The following GPRASP2 variants were observed in gnomAD, a reference collection of about 807,000 sequenced individuals.
GPRASP2 encodes the protein G protein-coupled receptor associated sorting protein 2, also known as G protein-coupled receptor-associated sorting protein 2.
Under a neutral mutation model 36.0 loss-of-function variants are expected in GPRASP2, and 10 were observed. The ratio of observed to expected loss-of-function variants is 0.28; its 90% CI spans 0.17 to 0.47. The LOEUF is 0.47. Among genes scored for constraint, GPRASP2 ranks in the 20% least tolerant of loss-of-function variants. GPRASP2 has a pLI of 0.99. For missense variants in GPRASP2, 538 were observed against 626.7 expected (o/e 0.86, Z 1.51); for synonymous variants, 219 against 230.5 (o/e 0.95, Z 0.45).
At position 102,712,568 on chromosome X, in the gene GPRASP2, T is replaced by G. The variant is rs1230389757; in HGVS notation, c.-568+16T>G. On this transcript the variant is annotated intron_variant, in intron 1 of 4. Transcript: ENST00000483720. ...GCCTCTGAAGGCAAGTGCGGGTGCA[T>G]GAGGTGGGGGTCCGGGTTGCGGGGG... The G allele has an allele frequency of 2.7e-5, 3 of 110,509 alleles. No homozygotes were observed. Among genetic ancestry groups the G allele is most frequent in the Non-Finnish European group, 5.7e-5 (3 of 52,715 alleles). 9.1% of individuals were successfully genotyped at this position (110,509 alleles called of 1,213,427 possible).
At position 102,716,376 on chromosome X, in the gene GPRASP2, T is replaced by C. The variant is rs1379748185; in HGVS notation, c.1507T>C (p.Phe503Leu). ...EVTVEFKPGL[F>L]HGVGFRSTSP... is the part of the protein sequence containing the mutation. ...CACTGTTGAATTCAAACCTGGTCTT[T>C]TTCATGGGGTTGGCTTCCGATCCAC... The change falls in exon 5 of 5, where the codon TTT becomes CTT. Residue 503 changes from phenylalanine to leucine, a missense_variant. By Grantham distance (22) the Phe-to-Leu change is conservative. Coordinates refer to ENST00000483720, the MANE Select transcript of GPRASP2 (RefSeq NM_001004051.4). 1 of 1,210,220 alleles carries C rather than the reference T, an allele frequency of 8.3e-7. No individual in the cohort carries two copies. The highest frequency in any genetic ancestry group is 1.7e-5 in the African/African-American group (1 of 57,213).
At position 102,715,165 on chromosome X, in the gene GPRASP2, A is replaced by G. The variant is rs752805007; in HGVS notation, c.296A>G (p.Lys99Arg). The change falls in exon 5 of 5, where the codon AAA becomes AGA. Residue 99 changes from lysine to arginine, a missense_variant. Lys to Arg is a conservative substitution (Grantham distance 26). Coordinates refer to ENST00000483720, the MANE Select transcript of GPRASP2 (RefSeq NM_001004051.4). ...CAAGGAATCACAGGGGCCAGGCCCAAAACCGATGCCAGGGCAGTAGGTGGC... is the reference window on the plus strand; with the variant it reads ...CAAGGAATCACAGGGGCCAGGCCCAGAACCGATGCCAGGGCAGTAGGTGGC... ...EAQGITGARP[K>R]TDARAVGGAR... is the part of the protein sequence containing the mutation. 7.4e-6 allele frequency: 9 copies of G among 1,211,702 alleles called. No homozygotes were observed. In the Admixed American group the frequency reaches 2.0e-4, roughly 26 times the overall value.
In GPRASP2 at chrX:102,717,351, A is replaced by G. The variant is rs2081979834; in HGVS notation, c.2482A>G (p.Asn828Asp). 9.2e-7 allele frequency: 1 copy of G among 1,081,876 alleles called. No homozygotes were observed. The highest frequency in any genetic ancestry group is 3.4e-5 in the Admixed American group (1 of 29,417). The allele number at this position is 1,081,876 out of a possible 1,213,427, so 89.2% of individuals were successfully genotyped here. A position where few individuals can be genotyped will look rare whatever the true frequency, so the allele number is the denominator to read the frequency against. Residue 828 changes from asparagine to aspartate, a missense_variant, in exon 5 of 5, where the codon AAC (asparagine) becomes GAC (aspartate). This residue lies in a region of GPRASP2 where 262 missense variants were observed against 351.7 expected (regional missense o/e 0.74). Coordinates refer to ENST00000483720, the MANE Select transcript of GPRASP2 (RefSeq NM_001004051.4). Reference protein sequence around the residue: ...LAKQLQAQIDNQNDPEVGQQS With the variant: ...LAKQLQAQIDDQNDPEVGQQS ...TAAGCAACTACAAGCCCAAATAGAC[A>G]ACCAAAATGATCCTGAGGTGGGACA...
In GPRASP2 at chrX:102,715,764, A is replaced by G. The variant is rs749871023; in HGVS notation, c.895A>G (p.Asn299Asp). 8.3e-7 allele frequency: 1 copy of G among 1,209,967 alleles called. No homozygotes were observed. The highest frequency in any genetic ancestry group is 1.7e-5 in the African/African-American group (1 of 57,156). ...SNPFSFWVGE[N>D]TNNLFRPRVR... ...CCCATTCTCCTTCTGGGTTGGAGAA[A>G]ATACCAATAACTTGTTCAGGCCCAG... The change falls in exon 5 of 5, where the codon AAT becomes GAT. Residue 299 changes from asparagine (N) to aspartate (D), a missense_variant. Physicochemically the swap from Asn to Asp is conservative, Grantham distance 23. This residue lies in a region of GPRASP2 where 276 missense variants were observed against 275.0 expected (regional missense o/e 1.00). Transcript: ENST00000483720.
intron 1 of GPRASP2, 129 bp downstream of exon 1, chrX:102,712,681 C>T (rs888581482): frequency 8.9e-6 from 1 of 112,565 alleles, no homozygotes; most frequent in Non-Finnish European, 1.9e-5. Flanking sequence ...GAGCCAGGCG[C>T]TTGAGAGAGG....
chrX:102,716,894 T>C lies in GPRASP2; in HGVS notation c.2025T>C (p.Ile675=). 8.3e-7 allele frequency: 1 copy of C among 1,210,279 alleles called. No individual in the cohort carries two copies. Among genetic ancestry groups the C allele is most frequent in the Non-Finnish European group, 1.1e-6 (1 of 894,896 alleles). ...MAPPYPNLNM[I]ETFICQVCEE... is the part of the protein sequence containing the mutation. ...CACCTTATCCAAATCTAAACATGAT[T>C]GAGACATTCATATGTCAAGTGTGTG... The change falls in exon 5 of 5, where the codon ATT becomes ATC. Residue 675 remains isoleucine, a synonymous_variant. Transcript: ENST00000483720.
intron 1 of GPRASP2, among the ~76,000 whole-genome samples, 157 bp downstream of exon 1, chrX:102,712,709 C>T (rs1183895631): frequency 2.7e-5 from 3 of 112,664 alleles, no homozygotes; most frequent in African/African-American, 9.7e-5. Flanking sequence ...TGCCCGAGAC[C>T]CCTGGCGATG....
intron 3 of GPRASP2, among the ~76,000 whole-genome samples, 164 bp downstream of exon 3, chrX:102,714,013 G>A (rs906432350): frequency 9.0e-6 from 1 of 111,485 alleles, no homozygotes; most frequent in African/African-American, 3.3e-5. Context: ...CACGAGATAG[G>A]TGTAGGTTGG....
intron 1 of GPRASP2, 128 bp from the exon 2 acceptor site, chrX:102,713,002 C>T (rs1171273554): frequency 8.9e-6 from 1 of 112,203 alleles, no homozygotes; most frequent in Non-Finnish European, 1.9e-5. Flanking sequence ...CCCAGTCCGC[C>T]GGAGGTGAGC....
At chrX:102,714,336 G>A (rs1206187864) in intron 4 of GPRASP2, 70 bp downstream of exon 4, 1 of 117,287 alleles carries the variant, frequency 8.5e-6, no homozygotes, top group Non-Finnish European at 1.8e-5. Context: ...AGTGATTAGG[G>A]TCCAATCTGG....
In GPRASP2 at chrX:102,716,562, C is replaced by T. The variant is rs1394464851; in HGVS notation, c.1693C>T (p.Arg565Trp). ...FQYDPSYRSV[R>W]EIREHLRARE... ...GTATGATCCTTCCTACCGGTCAGTC[C>T]GGGAAATTCGAGAGCATCTTAGGGC... The change falls in exon 5 of 5, where the codon CGG (arginine) becomes TGG (tryptophan). Residue 565 changes from arginine to tryptophan, a missense_variant. Physicochemically the swap from Arg to Trp is moderately radical, Grantham distance 101. Coordinates refer to ENST00000483720, the MANE Select transcript of GPRASP2 (RefSeq NM_001004051.4). The T allele has an allele frequency of 1.2e-5, 14 of 1,210,137 alleles. No individual in the cohort carries two copies. Among genetic ancestry groups the T allele is most frequent in the East Asian group, 5.9e-5 (2 of 33,773 alleles).
At chrX:102,713,251 G>A (rs2081904759) in intron 2 of GPRASP2, 34 bp downstream of exon 2, 1 of 112,007 alleles carries the variant, frequency 8.9e-6, no homozygotes, top group Non-Finnish European at 1.9e-5. Flanking sequence ...GCTAAACACT[G>A]ATTGGGGACC....
Position 102,715,343 on chromosome X carries a change from T to G in GPRASP2, c.474T>G (p.Ala158=). 5 of 1,212,437 alleles carry G rather than the reference T, an allele frequency of 4.1e-6. No homozygotes were observed. The highest frequency in any genetic ancestry group is 5.6e-6 in the Non-Finnish European group (5 of 895,642). The change falls in exon 5 of 5, where the codon GCT becomes GCG. Residue 158 remains alanine, a synonymous_variant. Coordinates refer to ENST00000483720, the MANE Select transcript of GPRASP2 (RefSeq NM_001004051.4). ...TNAVAWPLAT[A]ESGSVTKSKG... ...CCGTTGCTTGGCCACTGGCCACTGC[T>G]GAGTCTGGATCAGTTACTAAATCTA...
intron 2 of GPRASP2, among the ~76,000 whole-genome samples, chrX:102,713,537 A>T (rs2147723888): frequency 8.8e-6 from 1 of 113,296 alleles, no homozygotes; most frequent in East Asian, 2.8e-4. Context: ...CTAGTGGTGA[A>T]TCCTCAGAAT....
At position 102,717,004 on chromosome X, in the gene GPRASP2, A is replaced by G; in HGVS notation, c.2135A>G (p.Tyr712Cys). The G allele has an allele frequency of 8.3e-7, 1 of 1,199,549 alleles. No homozygotes were observed. The highest frequency in any genetic ancestry group is 1.1e-6 in the Non-Finnish European group (1 of 886,652). ...AGACACCTCACTATGACTATTGACTATCACACACTGATTGCCAACTATATG... is the reference window on the plus strand; with the variant it reads ...AGACACCTCACTATGACTATTGACTGTCACACACTGATTGCCAACTATATG... ...MLRHLTMTID[Y>C]HTLIANYMSG... Residue 712 changes from tyrosine to cysteine, a missense_variant, in exon 5 of 5, where the codon TAT becomes TGT. Coordinates refer to ENST00000483720, the MANE Select transcript of GPRASP2 (RefSeq NM_001004051.4).
Position 102,715,673 on chromosome X carries a change from C to T in GPRASP2, c.804C>T (p.Ser268=), listed in dbSNP as rs1485758186. ...HRAKHQTNPR[S]RPRSKQEAYV... ...CTAAACATCAGACTAATCCCAGGTC[C>T]AGGCCCAGATCCAAGCAAGAAGCCT... The change falls in exon 5 of 5, where the codon TCC becomes TCT. Residue 268 remains serine (S), a synonymous_variant. Coordinates refer to ENST00000483720, the MANE Select transcript of GPRASP2 (RefSeq NM_001004051.4). 2 of 1,211,857 alleles carry T rather than the reference C, an allele frequency of 1.7e-6. No individual in the cohort carries two copies. Among genetic ancestry groups the T allele is most frequent in the Non-Finnish European group, 2.2e-6 (2 of 895,571 alleles).
At position 102,715,625 on chromosome X, in the gene GPRASP2, C is replaced by T. The variant is rs763758135; in HGVS notation, c.756C>T (p.Ser252=). 28 of 1,209,569 alleles carry T rather than the reference C, an allele frequency of 2.3e-5. No homozygotes were observed. In the Admixed American group the frequency reaches 5.0e-4, roughly 22 times the overall value. Reference sequence around the variant, plus strand: ...TCAGATCATGGCCCAGGGAAGAGTCCAATACCAGGTCCAGGCACAGGGCTA... The same window carrying T: ...TCAGATCATGGCCCAGGGAAGAGTCTAATACCAGGTCCAGGCACAGGGCTA... ...TSVRSWPREE[S]NTRSRHRAKH... Residue 252 remains serine (S), a synonymous_variant, in exon 5 of 5, where the codon TCC becomes TCT. Coordinates refer to ENST00000483720, the MANE Select transcript of GPRASP2 (RefSeq NM_001004051.4).
chrX:102,713,394 T>C (rs1037242515), intron 2 of GPRASP2, among the ~76,000 whole-genome samples, 177 bp downstream of exon 2: 5 of 112,098 alleles, frequency 4.5e-5, no homozygotes, highest in Non-Finnish European at 9.4e-5. Context: ...ACTGGGGGCA[T>C]GAAAGGGTGG....
Position 102,716,482 on chromosome X carries a change from A to T in GPRASP2, c.1613A>T (p.Glu538Val). 8.3e-7 allele frequency: 1 copy of T among 1,211,922 alleles called. No individual in the cohort carries two copies. The highest frequency in any genetic ancestry group is 1.1e-6 in the Non-Finnish European group (1 of 895,566). Residue 538 changes from glutamate (E) to valine (V), a missense_variant, in exon 5 of 5, where the codon GAA becomes GTA. By Grantham distance (121) the Glu-to-Val change is moderately radical. Transcript: ENST00000483720. Reference sequence around the variant, plus strand: ...AACCTGGAACTTAGCCCAGAAGGAGAAGAGCAGGAATCTTTGCTTCAGCCT... The same window carrying T: ...AACCTGGAACTTAGCCCAGAAGGAGTAGAGCAGGAATCTTTGCTTCAGCCT... ...PKNLELSPEG[E>V]EQESLLQPDQ...
Sources: gnomAD v4.1 joint callset for allele counts (sites outside exome capture counted in the v4.1 genomes callset) on GRCh38, gnomAD v4.1.1 for gene constraint, gnomAD v4.1.1 regional missense constraint, MANE v1.5 for transcripts, NCBI Gene and HGNC (gene_info 2026-07-23, HGNC 2026-07-21) for gene names.